RNF2: variants seen among roughly 807,000 people sequenced by gnomAD.
RNF2 encodes ring finger protein 2.
Under a neutral mutation model 37.2 loss-of-function variants are expected in RNF2, and 6 were observed. The ratio of observed to expected loss-of-function variants is 0.16; its 90% confidence interval spans 0.09 to 0.32. The LOEUF is 0.32. Ranked by LOEUF, RNF2 falls within the 10% of genes least tolerant of loss-of-function variation. The pLI, the probability that RNF2 is intolerant of heterozygous loss-of-function variation, is 1.00. For missense variants in RNF2, 251 were observed against 404.0 expected, an observed-to-expected ratio of 0.62 and a Z score of 3.25; for synonymous variants, 133 against 132.7, an observed-to-expected ratio of 1.00 and a Z score of -0.02.
chr1:185,052,730 T>G (rs1483898506), intron 1 of RNF2, among the ~76,000 whole-genome samples: 5 of 152,302 alleles, frequency 3.3e-5, no homozygotes, highest in African/African-American at 1.2e-4. Flanking sequence ...GACCATCGTT[T>G]TAGGTGAGCT....
At chr1:185,083,824 C>G (rs1369848931) in intron 1 of RNF2, among the ~76,000 whole-genome samples, 1 of 149,936 alleles carries the variant, frequency 6.7e-6, no homozygotes, top group Non-Finnish European at 1.5e-5. Context: ...CCAGGCTGGT[C>G]TCAAACTCTG....
At chr1:185,064,188 A>C (rs1199640828) in intron 1 of RNF2, among the ~76,000 whole-genome samples, 4 of 152,248 alleles carry the variant, frequency 2.6e-5, no homozygotes, top group Non-Finnish European at 5.9e-5. Flanking sequence ...TAAATAAATT[A>C]GCTTCTATAT....
At chr1:185,092,322 G>T (rs549456655) in intron 3 of RNF2, among the ~76,000 whole-genome samples, 85 of 152,008 alleles carry the variant, frequency 5.6e-4, no homozygotes, top group African/African-American at 1.8e-3. Flanking sequence ...GATTACAGGC[G>T]TGTATCACCA....
chr1:185,094,131 GT>G (rs201377412), intron 4 of RNF2, among the ~76,000 whole-genome samples: 148 of 146,534 alleles, frequency 1.0e-3, no homozygotes, highest in African/African-American at 3.2e-3. Context: ...TTTGGAGTCA[GT>G]TTTTTTTTTT....
intron 4 of RNF2, among the ~76,000 whole-genome samples, chr1:185,094,860 G>T (rs539409730): frequency 6.6e-6 from 1 of 152,276 alleles, no homozygotes; most frequent in South Asian, 2.1e-4. Flanking sequence ...TCCATAGAAG[G>T]AGATAATAGT....
At chr1:185,086,254 C>T (rs1331615307) in intron 1 of RNF2, among the ~76,000 whole-genome samples, 2 of 152,012 alleles carry the variant, frequency 1.3e-5, no homozygotes, top group African/African-American at 4.8e-5. Context: ...CATGCATTTC[C>T]TTCTAGACAA....
intron 4 of RNF2, among the ~76,000 whole-genome samples, chr1:185,094,637 G>A (rs935064699): frequency 2.0e-5 from 3 of 152,162 alleles, no homozygotes; most frequent in African/African-American, 7.2e-5. Flanking sequence ...CAGCACAGCA[G>A]CCAGAGATAC....
chr1:185,094,102 A>G (rs371885887), intron 4 of RNF2, among the ~76,000 whole-genome samples: 12 of 150,226 alleles, frequency 8.0e-5, no homozygotes, highest in African/African-American at 2.9e-4. Flanking sequence ...CCATCATTCT[A>G]CTTGCTTAAG....
rs1205603250 is a variant in RNF2 at position 185,087,576 on chromosome 1, A to G, written c.23A>G (p.Asn8Ser). MSQAVQT[N>S]GTQPLSKTWE... ...GCAATGTCTCAGGCTGTGCAGACAAACGGAACTCAACCATTAAGCAAAACA... is the reference window on the plus strand; with the variant it reads ...GCAATGTCTCAGGCTGTGCAGACAAGCGGAACTCAACCATTAAGCAAAACA... The change falls in exon 2 of 7, where the codon AAC becomes AGC. Residue 8 changes from asparagine (N) to serine (S), a missense_variant. By Grantham distance (46) the Asn-to-Ser change is conservative. Transcript: ENST00000367510. 2 of 1,614,040 alleles carry G rather than the reference A, an allele frequency of 1.2e-6. No homozygotes were observed. Among genetic ancestry groups the G allele is most frequent in the Admixed American group, 1.7e-5 (1 of 59,996 alleles).
At chr1:185,073,151 A>G (rs192385683) in intron 1 of RNF2, among the ~76,000 whole-genome samples, 73 of 150,792 alleles carry the variant, frequency 4.8e-4, no homozygotes, top group Admixed American at 7.9e-4. Flanking sequence ...TACTATGGAC[A>G]TTTCCTAATT....
chr1:185,098,060 C>T lies in RNF2; in HGVS notation c.465-12C>T, dbSNP rs763942290. 2 of 1,602,768 alleles carry T rather than the reference C, an allele frequency of 1.2e-6. No homozygotes were observed. The highest frequency in any genetic ancestry group is 4.5e-5 in the East Asian group (2 of 44,698). On this transcript the variant is annotated splice_polypyrimidine_tract_variant and intron_variant, in intron 4 of 6. Coordinates refer to ENST00000367510, the MANE Select transcript of RNF2 (RefSeq NM_007212.4). The stretch of plus-strand genomic sequence containing the variant: ...AGTAAATTTTATGCATCCTTTTTTC[C>T]CCCTTGACTAGACTGCAGCGAGGCA...
At chr1:185,058,678 T>C (rs1241984190) in intron 1 of RNF2, among the ~76,000 whole-genome samples, 1 of 152,268 alleles carries the variant, frequency 6.6e-6, no homozygotes, top group Non-Finnish European at 1.5e-5. Flanking sequence ...TGTTATGGTT[T>C]TCTCTTTTTA....
At position 185,069,281 on chromosome 1, in the gene RNF2, C is replaced by T. The variant is rs182225491; in HGVS notation, c.-2-18271C>T. On this transcript the variant is annotated intron_variant, in intron 1 of 6. Coordinates refer to ENST00000367510, the MANE Select transcript of RNF2 (RefSeq NM_007212.4). The stretch of plus-strand genomic sequence containing the variant: ...CAGTCTGGGGAACATGGTGAAACCC[C>T]GTCTCTACAAAAAATACACACAAAA... 1.9e-4 allele frequency among the ~76,000 whole-genome samples: 29 copies of T among 151,938 alleles called. No homozygotes were observed. In the East Asian group the frequency reaches 2.7e-3, roughly 14 times the overall value.
chr1:185,088,228 A>G (rs1651658943), intron 2 of RNF2, among the ~76,000 whole-genome samples: 1 of 152,190 alleles, frequency 6.6e-6, no homozygotes, highest in Non-Finnish European at 1.5e-5. Flanking sequence ...CTATAACTTC[A>G]TCCAGAGCTG....
chr1:185,079,075 T>C (rs1651261910), intron 1 of RNF2, among the ~76,000 whole-genome samples: 1 of 146,196 alleles, frequency 6.8e-6, no homozygotes, highest in Non-Finnish European at 1.5e-5. Flanking sequence ...TGACTAGATC[T>C]TTTCTTTTTT....
chr1:185,089,395 A>G (rs1344676391), intron 2 of RNF2, among the ~76,000 whole-genome samples: 1 of 152,186 alleles, frequency 6.6e-6, no homozygotes, highest in East Asian at 1.9e-4. Flanking sequence ...AAGGGACTTG[A>G]GCATCCAAGG....
At chr1:185,085,693 G>A (rs1163298745) in intron 1 of RNF2, among the ~76,000 whole-genome samples, 8 of 148,536 alleles carry the variant, frequency 5.4e-5, no homozygotes, top group African/African-American at 1.0e-4. Flanking sequence ...TCGCTCTGTC[G>A]CCCAGGCTGG....
intron 1 of RNF2, among the ~76,000 whole-genome samples, chr1:185,064,124 A>G (rs1341185278): frequency 6.6e-6 from 1 of 152,184 alleles, no homozygotes; most frequent in Admixed American, 6.5e-5. Flanking sequence ...GGGCATTTAA[A>G]ATTAACAAAT....
At chr1:185,084,984 A>G (rs1292018471) in intron 1 of RNF2, among the ~76,000 whole-genome samples, 5 of 152,084 alleles carry the variant, frequency 3.3e-5, no homozygotes, top group African/African-American at 1.2e-4. Flanking sequence ...TTTTGCCCAC[A>G]TCGTCTGCTG....
Sources: gnomAD v4.1 joint callset for allele counts (sites outside exome capture counted in the v4.1 genomes callset) on GRCh38, gnomAD v4.1.1 for gene constraint, MANE v1.5 for transcripts, NCBI Gene and HGNC (gene_info 2026-07-23, HGNC 2026-07-21) for gene names.